Variants in GDF1 observed in about 807,000 individuals in gnomAD.
GDF1 encodes embryonic growth/differentiation factor 1.
GDF1 carries 8 observed loss-of-function variants against 7.4 expected under a neutral mutation model. The ratio of observed to expected loss-of-function variants is 1.09; its 90% confidence interval spans 0.64 to 1.96. The LOEUF is 1.96. Ranked by LOEUF, GDF1 falls within the 30% of genes most tolerant of loss-of-function variation. The pLI is 0.00. For missense variants in GDF1, 574 were observed against 551.5 expected (o/e 1.04, Z -0.41); for synonymous variants, 311 against 276.7 (o/e 1.12, Z -1.23).
rs2055949039 is a variant in GDF1 at position 18,870,512 on chromosome 19, A to C, written c.-205T>G. On this transcript the variant is annotated 5_prime_UTR_variant, in exon 7 of 8. Coordinates refer to ENST00000247005, the MANE Select transcript of GDF1 (RefSeq NM_001492.6). The surrounding 1 kb of genome is among the most constrained non-coding windows in gnomAD (Gnocchi z 5.1). ...GTTGGAGGGGGTGGAGGGGCGGCCA[A>C]GGACGGGGAGCGTGGCCGGGGTATT... 1 of 59,494 alleles carries C rather than the reference A, an allele frequency of 1.7e-5. No homozygotes were observed. Among genetic ancestry groups the C allele is most frequent in the Admixed American group, 3.2e-4 (1 of 3,114 alleles). 3.7% of individuals were successfully genotyped at this position (59,494 alleles called of 1,614,324 possible). A position where few individuals can be genotyped will look rare whatever the true frequency, so the allele number is the denominator to read the frequency against.
chr19:18,893,321 C>A, intron 2 of GDF1, 95 bp downstream of exon 2: 1 of 1,386,074 alleles, frequency 7.2e-7, no homozygotes, highest in Admixed American at 2.3e-5. Context: ...CTCCAGTGAT[C>A]CTCCTGCTTC....
At chr19:18,888,539 A>C (rs985220439) in intron 2 of GDF1, among the ~76,000 whole-genome samples, 48 of 150,196 alleles carry the variant, frequency 3.2e-4, no homozygotes, top group Non-Finnish European at 6.2e-4. Context: ...AAAAAAAAAA[A>C]AAAAAAACAG....
chr19:18,878,942 G>A lies in GDF1; in HGVS notation c.-325C>T. 2 of 1,613,690 alleles carry A rather than the reference G, an allele frequency of 1.2e-6. No homozygotes were observed. Among genetic ancestry groups the A allele is most frequent in the Non-Finnish European group, 1.7e-6 (2 of 1,179,842 alleles). ...CCTCCACACTCACTCGGCTTTGCTGGGCTTCAGGCTCTGGGCCTCGGCTGT... is the reference window on the plus strand; with the variant it reads ...CCTCCACACTCACTCGGCTTTGCTGAGCTTCAGGCTCTGGGCCTCGGCTGT... On this transcript the variant is annotated 5_prime_UTR_variant, in exon 6 of 8. Coordinates refer to ENST00000247005, the MANE Select transcript of GDF1 (RefSeq NM_001492.6). This position sits in a 1 kb window ranked among gnomAD's most constrained non-coding sequence, Gnocchi z 4.6.
chr19:18,889,591 A>C (rs987271212), intron 2 of GDF1, among the ~76,000 whole-genome samples: 3 of 152,084 alleles, frequency 2.0e-5, no homozygotes, highest in Non-Finnish European at 2.9e-5. Flanking sequence ...TATCCAGCTA[A>C]TTTTATTTTT....
Position 18,868,651 on chromosome 19 carries a change from G to C in GDF1, c.1065C>G (p.Asn355Lys). Reference protein sequence around the residue: ...ISVLFFDNSDNVVLRQYEDMV... With the variant: ...ISVLFFDNSDKVVLRQYEDMV... ...TGTCCTCATACTGCCGCAGCACCAC[G>C]TTGTCGCTGTTGTCAAAGAAGAGCA... is the stretch of plus-strand genomic sequence containing the variant. The change falls in exon 8 of 8, where the codon AAC (asparagine) becomes AAG (lysine). Residue 355 changes from asparagine to lysine, a missense_variant. Coordinates refer to ENST00000247005, the MANE Select transcript of GDF1 (RefSeq NM_001492.6). The C allele has an allele frequency of 6.4e-7, 1 of 1,574,800 alleles. No individual in the cohort carries two copies. Among genetic ancestry groups the C allele is most frequent in the Non-Finnish European group, 8.6e-7 (1 of 1,160,214 alleles).
rs377215717 is a variant in GDF1, at chr19:18,893,561, C to T, written c.-1059G>A. On this transcript the variant is annotated 5_prime_UTR_variant, in exon 2 of 8. In the 5' UTR this introduces an upstream ATG that the reference lacks. Coordinates refer to ENST00000247005, the MANE Select transcript of GDF1 (RefSeq NM_001492.6). ...CGGCATCTCTGGGCTGGAGGCAGCA[C>T]CGCTTCGCCAGGGGCTATGGGGGAG... 6 of 1,609,078 alleles carry T rather than the reference C, an allele frequency of 3.7e-6. No homozygotes were observed. The highest frequency in any genetic ancestry group is 3.4e-6 in the Non-Finnish European group (4 of 1,178,392).
rs1448679066 is a variant in GDF1, at chr19:18,878,002, C to G, written c.-313+928G>C. On this transcript the variant is annotated intron_variant, in intron 6 of 7. Transcript: ENST00000247005. The surrounding 1 kb of genome is among the most constrained non-coding windows in gnomAD (Gnocchi z 4.6). ...CTTCCAAACAGGGTGGGGGGTCTGA[C>G]GCTCCTCTGCCTGGCTACAGCCCCG... is the stretch of plus-strand genomic sequence containing the variant. 2.0e-6 allele frequency: 2 copies of G among 985,372 alleles called. No individual in the cohort carries two copies. The highest frequency in any genetic ancestry group is 3.5e-5 in the African/African-American group (2 of 57,198). 61.0% of individuals were successfully genotyped at this position (985,372 alleles called of 1,614,324 possible). A position where few individuals can be genotyped will look rare whatever the true frequency, so the allele number is the denominator to read the frequency against.
chr19:18,890,181 C>A (rs2056456565), intron 2 of GDF1, among the ~76,000 whole-genome samples: 1 of 152,228 alleles, frequency 6.6e-6, no homozygotes, highest in Non-Finnish European at 1.5e-5. Context: ...CTGCTCCAGG[C>A]ACCTCCAGGC....
At chr19:18,890,931 C>G (rs2056475322) in intron 2 of GDF1, among the ~76,000 whole-genome samples, 1 of 151,992 alleles carries the variant, frequency 6.6e-6, no homozygotes, top group Non-Finnish European at 1.5e-5. Context: ...TGAGACCAGC[C>G]TGGCCAACAT....
chr19:18,885,511 G>GTTTTTTTTTTT (rs59793456), intron 2 of GDF1, among the ~76,000 whole-genome samples: 1 of 22,128 alleles, frequency 4.5e-5, no homozygotes, highest in African/African-American at 1.1e-4. Flanking sequence ...GCCCCTTCTC[G>GTTTTTTTTTTT]TTTTTTTTTT....
chr19:18,882,770 G>A (rs1402810704), intron 3 of GDF1, among the ~76,000 whole-genome samples: 1 of 151,794 alleles, frequency 6.6e-6, no homozygotes, highest in Non-Finnish European at 1.5e-5. Flanking sequence ...TCGGCTCACT[G>A]CAACCTCCGC....
At chr19:18,890,983 G>T (rs2056476552) in intron 2 of GDF1, among the ~76,000 whole-genome samples, 2 of 152,056 alleles carry the variant, frequency 1.3e-5, no homozygotes, top group African/African-American at 4.8e-5. Context: ...AATTAGCCGA[G>T]GGTGGTGGCG....
intron 4 of GDF1, among the ~76,000 whole-genome samples, chr19:18,879,730 C>T (rs1294507611): frequency 7.5e-6 from 1 of 133,790 alleles, no homozygotes; most frequent in South Asian, 2.7e-4. Context: ...CCTCCCCTTT[C>T]CTGCCAGGCC....
chr19:18,875,827 C>T (rs922742716), intron 6 of GDF1, among the ~76,000 whole-genome samples: 2 of 152,176 alleles, frequency 1.3e-5, no homozygotes, highest in Non-Finnish European at 2.9e-5. Flanking sequence ...GAGACTGAGA[C>T]TGGAGCAATG....
rs1417757274 is a variant in GDF1 at position 18,868,803 on chromosome 19, C to T, written c.913G>A (p.Ala305Thr). ...GGCGGCCCCCCGGACCCCGACAGCG[C>T]GACGGGCAGCGCGCACTGACCCTGG... is the stretch of plus-strand genomic sequence containing the variant. ...YCQGQCALPV[A>T]LSGSGGPPAL... Residue 305 changes from alanine (A) to threonine (T), a missense_variant, in exon 8 of 8, where the codon GCG (alanine) becomes ACG (threonine). Transcript: ENST00000247005. The T allele has an allele frequency of 2.1e-6, 3 of 1,455,590 alleles. No homozygotes were observed. The highest frequency in any genetic ancestry group is 2.7e-6 in the Non-Finnish European group (3 of 1,093,604). 90.2% of individuals were successfully genotyped at this position (1,455,590 alleles called of 1,614,324 possible).
chr19:18,893,936 G>C (rs1485705072), intron 1 of GDF1, among the ~76,000 whole-genome samples: 1 of 151,358 alleles, frequency 6.6e-6, no homozygotes, highest in African/African-American at 2.4e-5. Context: ...AGGGAACATG[G>C]AGGGGGTTAT....
intron 2 of GDF1, 150 bp from the exon 3 acceptor site, chr19:18,884,417 A>AT (rs11297387): frequency 0.061 from 33,682 of 554,670 alleles, no homozygotes; most frequent in Middle Eastern, 0.1. Flanking sequence ...TCCCAATTCT[A>AT]TTTTTTTTTT....
Position 18,878,625 on chromosome 19 carries a change from C to A in GDF1, c.-313+305G>T. ...ACTACTCCTCACCACCCACAGGGCC[C>A]TGGCTCGCCACTCCCGCCACACCAG... On this transcript the variant is annotated intron_variant, in intron 6 of 7. Coordinates refer to ENST00000247005, the MANE Select transcript of GDF1 (RefSeq NM_001492.6). The surrounding 1 kb of genome is among the most constrained non-coding windows in gnomAD (Gnocchi z 4.6). The A allele has an allele frequency of 8.3e-7, 1 of 1,203,792 alleles. No homozygotes were observed. Among genetic ancestry groups the A allele is most frequent in the Non-Finnish European group, 1.0e-6 (1 of 958,874 alleles). The allele number at this position is 1,203,792 out of a possible 1,614,324, so 74.6% of individuals were successfully genotyped here. A position where few individuals can be genotyped will look rare whatever the true frequency, so the allele number is the denominator to read the frequency against.
chr19:18,870,661 G>A lies in GDF1; in HGVS notation c.-312-42C>T, dbSNP rs1012142065. ...GCGCAGGTTAGCCTGGGAGCCCCAC[G>A]CGGCCGCCTGGCCCTCTTTCCCGCT... On this transcript the variant is annotated intron_variant, in intron 6 of 7. Coordinates refer to ENST00000247005, the MANE Select transcript of GDF1 (RefSeq NM_001492.6). This position sits in a 1 kb window ranked among gnomAD's most constrained non-coding sequence, Gnocchi z 5.1. 11 of 517,792 alleles carry A rather than the reference G, an allele frequency of 2.1e-5. No individual in the cohort carries two copies. The highest frequency in any genetic ancestry group is 3.8e-5 in the Non-Finnish European group (11 of 286,022). The allele number at this position is 517,792 out of a possible 1,614,324, so 32.1% of individuals were successfully genotyped here. A position where few individuals can be genotyped will look rare whatever the true frequency, so the allele number is the denominator to read the frequency against.
Sources: allele counts gnomAD v4.1 joint callset (sites outside exome capture counted in the v4.1 genomes callset), GRCh38; gene constraint gnomAD v4.1.1; non-coding constraint Gnocchi (gnomAD v3.1); transcripts MANE v1.5; gene names NCBI Gene and HGNC (gene_info 2026-07-23, HGNC 2026-07-21).